KDM3A: variants seen among roughly 807,000 people sequenced by gnomAD.
KDM3A encodes lysine demethylase 3A.
In KDM3A, 60 loss-of-function variants were observed where a neutral mutation model predicts 158.0. That is an observed-to-expected ratio of 0.38 (90% CI 0.31 to 0.47). The LOEUF (loss-of-function observed/expected upper bound fraction) is 0.47. Among genes scored for constraint, KDM3A ranks in the 20% least tolerant of loss-of-function variants. The pLI is 0.99. For missense variants in KDM3A, 1,319 were observed against 1,574.3 expected, an observed-to-expected ratio of 0.84 and a Z score of 2.74; for synonymous variants, 608 against 549.3, an observed-to-expected ratio of 1.11 and a Z score of -1.49.
chr2:86,481,000 AGACAAT>A (rs1273780052), intron 16 of KDM3A, among the ~76,000 whole-genome samples: 12 of 152,360 alleles, frequency 7.9e-5, no homozygotes, highest in African/African-American at 2.4e-4. Flanking sequence ...AGCCGAAGTA[AGACAAT>A]TAGCAAGTGG....
At chr2:86,463,315 T>A (rs368964090) in intron 8 of KDM3A, among the ~76,000 whole-genome samples, 26 of 152,356 alleles carry the variant, frequency 1.7e-4, no homozygotes, top group African/African-American at 6.3e-4. Context: ...TTCACCTGGT[T>A]CAGCCTTAGA....
upstream of KDM3A, among the ~76,000 whole-genome samples, chr2:86,439,771 G>A (rs964584072): frequency 6.6e-6 from 1 of 152,046 alleles, no homozygotes; most frequent in African/African-American, 2.4e-5. Context: ...CAGTTCAGGA[G>A]ACCATACTGT....
Position 86,491,132 on chromosome 2 carries a change from GT to G in KDM3A, c.3751-4del. On this transcript the variant is annotated splice_region_variant and splice_polypyrimidine_tract_variant and intron_variant, in intron 24 of 25. Transcript: ENST00000312912. The stretch of plus-strand genomic sequence containing the variant: ...GTTTGTTACTGATATATTACTTGGT[GT>G]TTTTCAGGTTCATAACTTATATAGC... 1.2e-6 allele frequency: 2 copies of G among 1,613,844 alleles called. No individual in the cohort carries two copies. The highest frequency in any genetic ancestry group is 1.7e-6 in the Non-Finnish European group (2 of 1,179,838).
At chr2:86,460,513 C>A (rs969890610) in intron 8 of KDM3A, among the ~76,000 whole-genome samples, 1 of 152,148 alleles carries the variant, frequency 6.6e-6, no homozygotes, top group Non-Finnish European at 1.5e-5. Context: ...GTTGGACTGG[C>A]ACTTTTAGGG....
chr2:86,485,549 GGA>G (rs1674138909), intron 20 of KDM3A, among the ~76,000 whole-genome samples, 178 bp from the exon 21 acceptor site: 1 of 152,220 alleles, frequency 6.6e-6, no homozygotes, highest in South Asian at 2.1e-4. Flanking sequence ...GTGTGTTGTA[GGA>G]GAGAGAGAAG....
At position 86,457,081 on chromosome 2, in the gene KDM3A, A is replaced by ATT; in HGVS notation, c.843+12_843+13dup. 1 of 1,457,854 alleles carries ATT rather than the reference A, an allele frequency of 6.9e-7. No individual in the cohort carries two copies. The highest frequency in any genetic ancestry group is 9.4e-7 in the Non-Finnish European group (1 of 1,067,114). 90.3% of individuals were successfully genotyped at this position (1,457,854 alleles called of 1,614,324 possible). A position where few individuals can be genotyped will look rare whatever the true frequency, so the allele number is the denominator to read the frequency against. ...AAAATCTTGCTCTGAGGTAACCTTT[A>ATT]TTTATGTCACTTGTGTAAAGCTTTC... On this transcript the variant is annotated intron_variant, in intron 8 of 25. Transcript: ENST00000312912.
At chr2:86,456,758 T>C (rs752519097) in intron 6 of KDM3A, 47 bp from the exon 7 acceptor site, 34 of 1,486,514 alleles carry the variant, frequency 2.3e-5, no homozygotes, top group Non-Finnish European at 3.1e-5. Context: ...CAGTATGTTC[T>C]TGAGCATTTT....
chr2:86,480,171 CT>C lies in KDM3A; in HGVS notation c.2324del (p.Leu775Ter), dbSNP rs1673852104. The C allele has an allele frequency of 6.2e-7, 1 of 1,611,540 alleles. No homozygotes were observed. The highest frequency in any genetic ancestry group is 8.5e-7 in the Non-Finnish European group (1 of 1,179,162). On this transcript the variant is annotated frameshift_variant, in exon 16 of 26. Transcript: ENST00000312912. LOFTEE classifies it high-confidence loss of function. ...GTCCTTTAATGCTTAACACAGACTTCTTTAGCTGGAGAAAAACCGACTCTTG... is the reference window on the plus strand; with the variant it reads ...GTCCTTTAATGCTTAACACAGACTTCTTAGCTGGAGAAAAACCGACTCTTG... ...PASKEDLKQT[S>X]LAGEKPTLGA...
intron 21 of KDM3A, 115 bp from the exon 22 acceptor site, chr2:86,489,203 T>G (rs1674335750): frequency 8.3e-7 from 1 of 1,202,392 alleles, no homozygotes; most frequent in South Asian, 1.7e-5. Flanking sequence ...GATCCAGAAT[T>G]TTTATTCTCA....
intron 8 of KDM3A, among the ~76,000 whole-genome samples, chr2:86,463,343 C>T (rs1167721844): frequency 6.6e-6 from 1 of 152,120 alleles, no homozygotes; most frequent in Non-Finnish European, 1.5e-5. Flanking sequence ...TCTTGAGTTT[C>T]TCCTTTCTTT....
Position 86,464,155 on chromosome 2 carries a change from C to G in KDM3A, c.946C>G (p.Gln316Glu). 6.2e-7 allele frequency: 1 copy of G among 1,612,528 alleles called. No homozygotes were observed. The highest frequency in any genetic ancestry group is 8.5e-7 in the Non-Finnish European group (1 of 1,179,002). ...AACTCCACCTAGTAAGGACCCAAGA[C>G]AGCAAAGTACTCCCCAGGCTGCCAA... ...AATPPSKDPR[Q>E]QSTPQAANSP... The change falls in exon 9 of 26, where the codon CAG becomes GAG. Residue 316 changes from glutamine (Q) to glutamate (E), a missense_variant. Transcript: ENST00000312912.
Position 86,442,110 on chromosome 2 carries a change from C to T in KDM3A, c.63C>T (p.Ser21=), listed in dbSNP as rs1181303806. 6.8e-6 allele frequency: 11 copies of T among 1,614,110 alleles called. No individual in the cohort carries two copies. Among genetic ancestry groups the T allele is most frequent in the Middle Eastern group, 1.7e-4 (1 of 6,058 alleles). The part of the protein sequence containing the change: ...VLVGRRFLSL[S]AADGSDGSHD... ...TGGGGAGGAGGTTTCTCAGTCTGTCCGCAGCCGACGGCAGCGATGGCAGCC... is the reference window on the plus strand; with the variant it reads ...TGGGGAGGAGGTTTCTCAGTCTGTCTGCAGCCGACGGCAGCGATGGCAGCC... Residue 21 remains serine (S), a synonymous_variant, in exon 2 of 26, where the codon TCC becomes TCT. Transcript: ENST00000312912.
At chr2:86,480,604 T>G (rs1479016938) in intron 16 of KDM3A, among the ~76,000 whole-genome samples, 1 of 152,206 alleles carries the variant, frequency 6.6e-6, no homozygotes, top group African/African-American at 2.4e-5. Context: ...TGCAGGCCAC[T>G]TCTTTCATGC....
Position 86,464,118 on chromosome 2 carries a change from C to A in KDM3A, c.909C>A (p.Gly303=). ...CAGTTTTTAAGGAGATACTGCTTGG[C>A]TGTACTGCGGCAACTCCACCTAGTA... The part of the protein sequence containing the change: ...PTTVFKEILL[G]CTAATPPSKD... Residue 303 remains glycine, a synonymous_variant, in exon 9 of 26, where the codon GGC becomes GGA. Transcript: ENST00000312912. The A allele has an allele frequency of 6.2e-7, 1 of 1,612,722 alleles. No individual in the cohort carries two copies. Among genetic ancestry groups the A allele is most frequent in the Non-Finnish European group, 8.5e-7 (1 of 1,179,052 alleles).
intron 21 of KDM3A, chr2:86,486,841 GT>G: frequency 6.6e-6 from 1 of 152,476 alleles, no homozygotes; most frequent in Non-Finnish European, 1.5e-5. Context: ...ACAGGGGAGT[GT>G]TTTTGTGTGC....
Position 86,470,205 on chromosome 2 carries a change from C to A in KDM3A, c.1521C>A (p.Ala507=), listed in dbSNP as rs764338450. 6.2e-7 allele frequency: 1 copy of A among 1,613,496 alleles called. No individual in the cohort carries two copies. Among genetic ancestry groups the A allele is most frequent in the African/African-American group, 1.3e-5 (1 of 74,838 alleles). ...CTCCTTAATCTTTTGTTTTCCTAGC[C>A]CCATCCAGGAAGTCGGTTTTGACAG... The part of the protein sequence containing the change: ...CSRSNNKIQN[A]PSRKSVLTDP... The change falls in exon 11 of 26, where the codon GCC becomes GCA. Residue 507 remains alanine, a splice_region_variant and synonymous_variant. Transcript: ENST00000312912.
At chr2:86,451,680 A>G (rs995845824) in intron 4 of KDM3A, among the ~76,000 whole-genome samples, 3 of 152,128 alleles carry the variant, frequency 2.0e-5, no homozygotes, top group Non-Finnish European at 2.9e-5. Context: ...GGCCAACTGT[A>G]TATTGATGTT....
At chr2:86,445,204 T>C (rs1573137138) in intron 2 of KDM3A, among the ~76,000 whole-genome samples, 1 of 152,116 alleles carries the variant, frequency 6.6e-6, no homozygotes, top group South Asian at 2.1e-4. Context: ...ATGTAGTGTG[T>C]GCTCAGCTAT....
At chr2:86,490,744 T>TC in intron 23 of KDM3A, 137 bp from the exon 24 acceptor site, 1 of 600,280 alleles carries the variant, frequency 1.7e-6, no homozygotes, top group South Asian at 2.2e-5. Flanking sequence ...ATACTACTAG[T>TC]CGTCTTCTGC....
Sources: gnomAD v4.1 joint callset for allele counts (sites outside exome capture counted in the v4.1 genomes callset) on GRCh38, gnomAD v4.1.1 for gene constraint, MANE v1.5 for transcripts, NCBI Gene and HGNC (gene_info 2026-07-23, HGNC 2026-07-21) for gene names.